Variants in ROBO1 observed in about 807,000 individuals in gnomAD.
The protein encoded by ROBO1 is roundabout guidance receptor 1, also known as roundabout homolog 1.
ROBO1 carries 149 observed loss-of-function variants against 195.9 expected under a neutral mutation model. That is an observed-to-expected ratio of 0.76 (90% confidence interval 0.67 to 0.87). The LOEUF (loss-of-function observed/expected upper bound fraction) is 0.87. Ranked by LOEUF, ROBO1 falls within the 40% of genes least tolerant of loss-of-function variation. The probability of loss-of-function intolerance (pLI) is 0.00; values close to 1 mark genes in which losing one functional copy is unlikely to be tolerated. For synonymous variants in ROBO1, 816 were observed against 733.2 expected (o/e 1.11, Z -1.82); for missense variants, 1,933 against 2,068.3 (o/e 0.93, Z 1.27).
chr3:79,628,610 T>G (rs886108044), intron 1 of ROBO1, among the ~76,000 whole-genome samples: 5 of 151,852 alleles, frequency 3.3e-5, no homozygotes, highest in Admixed American at 2.0e-4. Context: ...TTAGAAGAAA[T>G]AAGAAAAATA....
intron 2 of ROBO1, among the ~76,000 whole-genome samples, chr3:79,141,658 GGTTA>G (rs2080530018): frequency 1.3e-5 from 2 of 151,070 alleles, no homozygotes; most frequent in Admixed American, 1.3e-4. Context: ...TTGTAGCAAT[GGTTA>G]TGGCATAAGG....
rs901591886 is a variant in ROBO1, at chr3:79,030,107, G to A, written c.173-91180C>T. Among the ~76,000 whole-genome samples the A allele has an allele frequency of 2.0e-5, 3 of 152,156 alleles. No homozygotes were observed. In the South Asian group the frequency reaches 6.2e-4, roughly 31 times the overall value. ...AGATATCTGGGCATTCATGCTTTTG[G>A]CATTTCATCTAACTATCCATTTCCT... On this transcript the variant is annotated intron_variant, in intron 3 of 30. Coordinates refer to ENST00000464233, the MANE Select transcript of ROBO1 (RefSeq NM_002941.4).
chr3:79,086,116 T>G (rs905020554), intron 3 of ROBO1, among the ~76,000 whole-genome samples: 1 of 152,038 alleles, frequency 6.6e-6, no homozygotes, highest in African/African-American at 2.4e-5. Context: ...AATGGAGTTT[T>G]TTTTTTTTTA....
intron 2 of ROBO1, among the ~76,000 whole-genome samples, chr3:79,255,389 A>C (rs2082812798): frequency 6.6e-6 from 1 of 151,950 alleles, no homozygotes; most frequent in Admixed American, 6.6e-5. Context: ...CAAAAAACAT[A>C]AGTTTCTCCC....
chr3:79,763,711 G>C (rs1687704645), intron 1 of ROBO1, among the ~76,000 whole-genome samples: 1 of 152,268 alleles, frequency 6.6e-6, no homozygotes, highest in Middle Eastern at 3.4e-3. Context: ...AGATGATACA[G>C]GCAGGGTGGC....
Position 79,152,293 on chromosome 3 carries a change from T to C in ROBO1, c.89-26754A>G, listed in dbSNP as rs1454210005. On this transcript the variant is annotated intron_variant, in intron 2 of 30. Coordinates refer to ENST00000464233, the MANE Select transcript of ROBO1 (RefSeq NM_002941.4). ...AATAAAGCTTCTATTATCCAGAAGA[T>C]AATATTTCTAATAAGTTTTGTTTCC... is the stretch of plus-strand genomic sequence containing the variant. Among the ~76,000 whole-genome samples, 4 of 151,848 alleles carry C rather than the reference T, an allele frequency of 2.6e-5. No individual in the cohort carries two copies. The East Asian group carries it at 7.8e-4, about 29-fold the overall frequency.
chr3:78,908,828 T>C (rs778330174), intron 4 of ROBO1, among the ~76,000 whole-genome samples: 1 of 151,926 alleles, frequency 6.6e-6, no homozygotes, highest in Non-Finnish European at 1.5e-5. Context: ...GTTTAGTCTT[T>C]AGTCTTTTTA....
At chr3:79,362,737 T>C (rs2035818030) in intron 2 of ROBO1, among the ~76,000 whole-genome samples, 2 of 152,114 alleles carry the variant, frequency 1.3e-5, no homozygotes, top group African/African-American at 4.8e-5. Context: ...CTTTACGAAA[T>C]TTCTCTTCAG....
intron 1 of ROBO1, among the ~76,000 whole-genome samples, chr3:79,615,019 G>C (rs1270586524): frequency 6.6e-5 from 10 of 152,106 alleles, no homozygotes; most frequent in Non-Finnish European, 1.3e-4. Context: ...CCTCCTGTCT[G>C]TCAAGGGAAT....
chr3:79,490,367 G>A (rs1939389774), intron 2 of ROBO1, among the ~76,000 whole-genome samples: 1 of 152,102 alleles, frequency 6.6e-6, no homozygotes, highest in Admixed American at 6.6e-5. Flanking sequence ...CTACCCTCCA[G>A]TAGGTGGATT....
At chr3:79,051,277 A>G (rs949720250) in intron 3 of ROBO1, among the ~76,000 whole-genome samples, 1 of 152,252 alleles carries the variant, frequency 6.6e-6, no homozygotes, top group Admixed American at 6.5e-5. Flanking sequence ...TACTATGAAC[A>G]TCTCTATGCA....
chr3:79,169,996 A>C (rs1256918196), intron 2 of ROBO1, among the ~76,000 whole-genome samples: 2 of 152,192 alleles, frequency 1.3e-5, no homozygotes, highest in Non-Finnish European at 2.9e-5. Flanking sequence ...AAAATCCTAA[A>C]ATGTAAACGT....
chr3:79,059,353 G>A (rs1234460747), intron 3 of ROBO1, among the ~76,000 whole-genome samples: 2 of 152,060 alleles, frequency 1.3e-5, no homozygotes, highest in East Asian at 3.9e-4. Flanking sequence ...CTTGGATTAA[G>A]TCTACTGGGG....
intron 5 of ROBO1, among the ~76,000 whole-genome samples, chr3:78,741,116 T>G (rs1473727713): frequency 6.6e-6 from 1 of 152,158 alleles, no homozygotes; most frequent in Non-Finnish European, 1.5e-5. Context: ...TACCTTAATA[T>G]TTTATTTCAT....
At chr3:79,016,065 G>C (rs1027059852) in intron 3 of ROBO1, among the ~76,000 whole-genome samples, 1 of 152,144 alleles carries the variant, frequency 6.6e-6, no homozygotes, top group Non-Finnish European at 1.5e-5. Flanking sequence ...GTGATCTTAG[G>C]CTTGGGGCAA....
At chr3:79,597,950 G>A (rs768520111) in intron 1 of ROBO1, among the ~76,000 whole-genome samples, 20 of 152,020 alleles carry the variant, frequency 1.3e-4, no homozygotes, top group Non-Finnish European at 2.6e-4. Flanking sequence ...GCTACATTAT[G>A]AATCACGGCC....
chr3:79,048,391 C>T (rs1258925046), intron 3 of ROBO1, among the ~76,000 whole-genome samples: 5 of 152,096 alleles, frequency 3.3e-5, no homozygotes, highest in Non-Finnish European at 7.4e-5. Context: ...GAATTTTCTT[C>T]CTTTACCAGC....
rs747448286 is a variant in ROBO1 at position 78,717,517 on chromosome 3, G to C, written c.779-104C>G. On this transcript the variant is annotated intron_variant, in intron 6 of 30. Transcript: ENST00000464233. ...CATATTTTTAATTTAAAATATCAGCGAGGAAATTATTCCACAGAGTCCCCT... is the reference window on the plus strand; with the variant it reads ...CATATTTTTAATTTAAAATATCAGCCAGGAAATTATTCCACAGAGTCCCCT... 488 of 1,107,158 alleles carry C rather than the reference G, an allele frequency of 4.4e-4. 1 individual carries two copies. Among genetic ancestry groups the C allele is most frequent in the Middle Eastern group, 1.7e-3 (6 of 3,528 alleles). The allele number at this position is 1,107,158 out of a possible 1,614,324, so 68.6% of individuals were successfully genotyped here.
At chr3:79,418,387 T>G (rs1420435522) in intron 2 of ROBO1, among the ~76,000 whole-genome samples, 2 of 152,166 alleles carry the variant, frequency 1.3e-5, no homozygotes, top group Non-Finnish European at 2.9e-5. Flanking sequence ...GCAGATGTGA[T>G]GTATAAAGAT....
Sources: allele counts gnomAD v4.1 joint callset (sites outside exome capture counted in the v4.1 genomes callset), GRCh38; gene constraint gnomAD v4.1.1; transcripts MANE v1.5; gene names NCBI Gene and HGNC (gene_info 2026-07-23, HGNC 2026-07-21).